TRIP11: variants seen among roughly 807,000 people sequenced by gnomAD.
TRIP11 encodes thyroid hormone receptor interactor 11.
A neutral mutation model predicts 223.1 loss-of-function variants in TRIP11; 148 were observed. That is an observed-to-expected ratio of 0.66 (90% CI 0.58 to 0.76). The LOEUF is 0.76. Among genes scored for constraint, TRIP11 ranks in the 30% least tolerant of loss-of-function variants. TRIP11 has a pLI of 0.00. For synonymous variants in TRIP11, 762 were observed against 772.6 expected (o/e 0.99, Z 0.23); for missense variants, 2,043 against 2,222.0 (o/e 0.92, Z 1.62).
Position 91,988,356 on chromosome 14 carries a change from A to T in TRIP11, c.5188T>A (p.Leu1730Met). 6.2e-7 allele frequency: 1 copy of T among 1,613,920 alleles called. No individual in the cohort carries two copies. Among genetic ancestry groups the T allele is most frequent in the African/African-American group, 1.3e-5 (1 of 75,040 alleles). Reference sequence around the variant, plus strand: ...TCTGTAAGTCTTGATGCTGAATCCAATGCAGCATTTGCTTCATCCAAACAT... The same window carrying T: ...TCTGTAAGTCTTGATGCTGAATCCATTGCAGCATTTGCTTCATCCAAACAT... ...QECLDEANAA[L>M]DSASRLTEQL... Residue 1730 changes from leucine (L) to methionine (M), a missense_variant, in exon 16 of 21, where the codon TTG becomes ATG. Coordinates refer to ENST00000267622, the MANE Select transcript of TRIP11 (RefSeq NM_004239.4).
At position 92,005,132 on chromosome 14, in the gene TRIP11, C is replaced by T. The variant is rs767741526; in HGVS notation, c.2844G>A (p.Glu948=). 1 of 1,613,566 alleles carries T rather than the reference C, an allele frequency of 6.2e-7. No individual in the cohort carries two copies. The highest frequency in any genetic ancestry group is 1.1e-5 in the South Asian group (1 of 91,080). ...KEMDEFRYQH[E]QMNATHTQLF... is the part of the protein sequence containing the mutation. ...GCTGGGTGTGTGTGGCGTTCATTTG[C>T]TCATGCTGGTATCTAAACTCATCCA... The change falls in exon 11 of 21, where the codon GAG becomes GAA. Residue 948 remains glutamate, a synonymous_variant. Coordinates refer to ENST00000267622, the MANE Select transcript of TRIP11 (RefSeq NM_004239.4).
At chr14:92,028,921 C>T (rs999287859) in intron 2 of TRIP11, among the ~76,000 whole-genome samples, 4 of 152,180 alleles carry the variant, frequency 2.6e-5, no homozygotes, top group Admixed American at 2.6e-4. Flanking sequence ...GCAGTCCTAA[C>T]TATTCGTAAA....
intron 2 of TRIP11, among the ~76,000 whole-genome samples, chr14:92,025,992 G>A (rs1289565040): frequency 6.6e-6 from 1 of 152,110 alleles, no homozygotes; most frequent in Non-Finnish European, 1.5e-5. Context: ...CTAAGAAAAG[G>A]CCACGAATCA....
At chr14:92,023,894 G>C (rs1489154416) in intron 3 of TRIP11, among the ~76,000 whole-genome samples, 3 of 147,356 alleles carry the variant, frequency 2.0e-5, no homozygotes, top group Non-Finnish European at 4.5e-5. Context: ...CTCGTTCTGT[G>C]ACCCAGGCTA....
chr14:92,024,038 T>C (rs1378493646), intron 3 of TRIP11, among the ~76,000 whole-genome samples: 1 of 151,326 alleles, frequency 6.6e-6, no homozygotes, highest in East Asian at 1.9e-4. Flanking sequence ...GTATTATTAG[T>C]AGAGATGGGG....
At chr14:91,975,544 C>G (rs2056453357) in intron 17 of TRIP11, among the ~76,000 whole-genome samples, 2 of 152,094 alleles carry the variant, frequency 1.3e-5, no homozygotes, top group African/African-American at 4.8e-5. Flanking sequence ...CTTTATTCAA[C>G]CCAGTTACTG....
At chr14:91,988,252 A>C in intron 16 of TRIP11, 32 bp downstream of exon 16, 1 of 1,528,730 alleles carries the variant, frequency 6.5e-7, no homozygotes. Flanking sequence ...TCAGTATTGT[A>C]GTGGGGGAAA....
rs1415039976 is a variant in TRIP11 at position 91,978,722 on chromosome 14, C to A, written c.5261-2533G>T. Among the ~76,000 whole-genome samples the A allele has an allele frequency of 3.9e-5, 6 of 152,116 alleles. No individual in the cohort carries two copies. Among genetic ancestry groups the A allele is most frequent in the Non-Finnish European group, 5.9e-5 (4 of 68,022 alleles). ...CGATATTGCCTGGGCTGATCTCAAA[C>A]TCCTGCGTTCAAGTAATTCTCCTGC... On this transcript the variant is annotated intron_variant, in intron 16 of 20. Coordinates refer to ENST00000267622, the MANE Select transcript of TRIP11 (RefSeq NM_004239.4). The surrounding 1 kb of genome is among the most constrained non-coding windows in gnomAD (Gnocchi z 4.4).
Position 91,975,202 on chromosome 14 carries a change from G to C in TRIP11, c.5427C>G (p.Ile1809Met), listed in dbSNP as rs114797464. ...RHEVLRLMGS[I>M]LGVRREEMEQ... ...CCATCTCCTCCCTTCTGACGCCCAG[G>C]ATGCTCCCCATTAACCGTAACACTT... Residue 1809 changes from isoleucine to methionine, a missense_variant, in exon 18 of 21, where the codon ATC (isoleucine) becomes ATG (methionine). Coordinates refer to ENST00000267622, the MANE Select transcript of TRIP11 (RefSeq NM_004239.4). 1.7e-5 allele frequency: 27 copies of C among 1,613,740 alleles called. No homozygotes were observed. The African/African-American group carries it at 3.3e-4, about 20-fold the overall frequency.
chr14:92,017,812 C>G, intron 4 of TRIP11, 62 bp from the exon 5 acceptor site: 2 of 1,383,726 alleles, frequency 1.4e-6, no homozygotes, highest in Non-Finnish European at 2.0e-6. Flanking sequence ...CAGAAAGTCA[C>G]AAACTAACTT....
chr14:92,013,130 G>A (rs529541915), intron 7 of TRIP11, among the ~76,000 whole-genome samples: 11 of 152,170 alleles, frequency 7.2e-5, no homozygotes, highest in Non-Finnish European at 1.6e-4. Flanking sequence ...AGCTGGGCGT[G>A]GTGACACATG....
chr14:91,995,241 G>A (rs1450536369), intron 14 of TRIP11, 111 bp downstream of exon 14: 6 of 1,308,510 alleles, frequency 4.6e-6, no homozygotes, highest in African/African-American at 4.4e-5. Flanking sequence ...CTCTACCAGT[G>A]GGTAACCTTT....
chr14:92,010,070 C>T lies in TRIP11; in HGVS notation c.1314+916G>A, dbSNP rs550073816. 9.2e-5 allele frequency among the ~76,000 whole-genome samples: 14 copies of T among 152,320 alleles called. No homozygotes were observed. The South Asian group carries it at 2.5e-3, about 27-fold the overall frequency. ...CTTAATAATACTAGCTTACAACTCT[C>T]CTATATTTAAGCACCTGCCTTAGCC... is the stretch of plus-strand genomic sequence containing the variant. On this transcript the variant is annotated intron_variant, in intron 9 of 20. Coordinates refer to ENST00000267622, the MANE Select transcript of TRIP11 (RefSeq NM_004239.4).
At chr14:92,007,023 T>G (rs2140120909) in intron 10 of TRIP11, among the ~76,000 whole-genome samples, 1 of 147,896 alleles carries the variant, frequency 6.8e-6, no homozygotes, top group Admixed American at 6.6e-5. Flanking sequence ...CCAAAGATGG[T>G]AAATAGTATT....
chr14:92,003,905 C>T lies in TRIP11; in HGVS notation c.4071G>A (p.Gln1357=), dbSNP rs746938775. The change falls in exon 11 of 21, where the codon CAG becomes CAA. Residue 1357 remains glutamine (Q), a synonymous_variant. Coordinates refer to ENST00000267622, the MANE Select transcript of TRIP11 (RefSeq NM_004239.4). ...QELEELRKSL[Q]EKDATIRTLQ... is the part of the protein sequence containing the mutation. ...GAGTTCTAATTGTTGCATCTTTTTC[C>T]TGTAGTGATTTTCTTAGCTCTTCTA... 6.2e-7 allele frequency: 1 copy of T among 1,614,026 alleles called. No individual in the cohort carries two copies. Among genetic ancestry groups the T allele is most frequent in the South Asian group, 1.1e-5 (1 of 91,086 alleles).
At chr14:92,026,460 C>A in intron 2 of TRIP11, 1 of 705,570 alleles carries the variant, frequency 1.4e-6, no homozygotes, top group South Asian at 1.4e-5. Context: ...TTGCATTGTT[C>A]CTCGTCCGCC....
chr14:91,986,543 C>T (rs2056606190), intron 16 of TRIP11, among the ~76,000 whole-genome samples: 1 of 152,090 alleles, frequency 6.6e-6, no homozygotes, highest in Non-Finnish European at 1.5e-5. Flanking sequence ...TATTTATTAA[C>T]TACAATAAAT....
intron 13 of TRIP11, among the ~76,000 whole-genome samples, chr14:91,997,111 T>C (rs2056760763): frequency 6.6e-6 from 1 of 152,132 alleles, no homozygotes; most frequent in African/African-American, 2.4e-5. Context: ...CTCCCAAATA[T>C]CTCTGGACCT....
intron 7 of TRIP11, 37 bp downstream of exon 7, chr14:92,014,178 A>C (rs1349013770): frequency 6.8e-6 from 11 of 1,613,266 alleles, no homozygotes; most frequent in Non-Finnish European, 9.3e-6. Context: ...CTATGCAATG[A>C]AACAGCAATC....
Sources: gnomAD v4.1 joint callset for allele counts (sites outside exome capture counted in the v4.1 genomes callset) on GRCh38, gnomAD v4.1.1 for gene constraint, Gnocchi (gnomAD v3.1) non-coding constraint, MANE v1.5 for transcripts, NCBI Gene and HGNC (gene_info 2026-07-23, HGNC 2026-07-21) for gene names.